The following C13orf46 variants were observed in gnomAD, a reference collection of about 807,000 sequenced individuals.
C13orf46 encodes uncharacterized protein C13orf46.
chr13:113,972,419 C>T (rs969997962), intron 1 of C13orf46, among the ~76,000 whole-genome samples: 3 of 152,204 alleles, frequency 2.0e-5, no homozygotes, highest in Non-Finnish European at 2.9e-5. Flanking sequence ...AAGCAAACCC[C>T]GAGTCCTACC....
intron 1 of C13orf46, among the ~76,000 whole-genome samples, chr13:113,972,606 C>T (rs11620090): frequency 0.3 from 45,419 of 151,988 alleles, 7,606 homozygotes; most frequent in East Asian, 0.45. Flanking sequence ...CCCAGGCCCA[C>T]ACCACCGTCC....
intron 6 of C13orf46, among the ~76,000 whole-genome samples, chr13:113,958,630 G>A (rs956546262): frequency 4.5e-4 from 69 of 152,354 alleles, no homozygotes; most frequent in African/African-American, 5.3e-4. Context: ...GAAACACGGC[G>A]TGGGGCAATG....
the C13orf46 span, among the ~76,000 whole-genome samples, chr13:113,947,606 G>A: frequency 1.7e-4 from 26 of 152,198 alleles, 2 homozygotes; most frequent in Admixed American, 1.7e-3. Flanking sequence ...TGGGTGGAGC[G>A]GGGAGCTGGC....
downstream of C13orf46, among the ~76,000 whole-genome samples, chr13:113,952,495 A>T (rs1363471467): frequency 3.5e-4 from 54 of 152,246 alleles, no homozygotes; most frequent in East Asian, 6.0e-3. Context: ...CATCTCCCCC[A>T]GCCTGGGAGG....
intron 6 of C13orf46, among the ~76,000 whole-genome samples, chr13:113,960,631 T>C (rs1251799061): frequency 6.6e-6 from 1 of 152,228 alleles, no homozygotes; most frequent in Non-Finnish European, 1.5e-5. Flanking sequence ...ATTTATACAC[T>C]TGGCTTTTCT....
intron 1 of C13orf46, among the ~76,000 whole-genome samples, chr13:113,972,278 GGGGA>G (rs1280846187): frequency 6.6e-6 from 1 of 152,202 alleles, no homozygotes; most frequent in Non-Finnish European, 1.5e-5. Context: ...GGAACCCCGT[GGGGA>G]GGGAGGTAGG....
At chr13:113,946,790 G>A in the C13orf46 span, among the ~76,000 whole-genome samples, 6 of 152,256 alleles carry the variant, frequency 3.9e-5, no homozygotes, top group Admixed American at 2.6e-4. Context: ...CTGACTGCTC[G>A]CTGGCCGAGG....
At chr13:113,942,274 C>T in the C13orf46 span, among the ~76,000 whole-genome samples, 1 of 152,218 alleles carries the variant, frequency 6.6e-6, no homozygotes, top group Non-Finnish European at 1.5e-5. Flanking sequence ...CACTGCTCTT[C>T]CCTGCAGGAG....
intron 1 of C13orf46, among the ~76,000 whole-genome samples, chr13:113,970,709 C>G (rs912847216): frequency 1.3e-5 from 2 of 152,196 alleles, no homozygotes; most frequent in Admixed American, 1.3e-4. Context: ...GGAAAATCCA[C>G]CAATCCCCAG....
chr13:113,937,152 G>C, the C13orf46 span, among the ~76,000 whole-genome samples: 1 of 152,172 alleles, frequency 6.6e-6, no homozygotes, highest in African/African-American at 2.4e-5. Context: ...ATGGGAGTTG[G>C]TTACCTCGGG....
the C13orf46 span, chr13:113,928,786 C>T: frequency 6.6e-6 from 1 of 152,620 alleles, no homozygotes; most frequent in Non-Finnish European, 1.5e-5. Flanking sequence ...GTTTCTAATC[C>T]TGTGCTGGGT....
At chr13:113,947,071 C>T in the C13orf46 span, among the ~76,000 whole-genome samples, 3 of 152,234 alleles carry the variant, frequency 2.0e-5, no homozygotes, top group Non-Finnish European at 4.4e-5. Context: ...CGGGGGCTGT[C>T]GTCAGCCTGG....
downstream of C13orf46, among the ~76,000 whole-genome samples, chr13:113,951,925 G>A (rs1156996137): frequency 1.3e-5 from 2 of 152,214 alleles, no homozygotes; most frequent in African/African-American, 4.8e-5. Context: ...CCCCACTCTC[G>A]TAAGACAACC....
At chr13:113,966,055 G>A (rs1231300799) in intron 5 of C13orf46, among the ~76,000 whole-genome samples, 8 of 148,290 alleles carry the variant, frequency 5.4e-5, no homozygotes, top group Admixed American at 4.7e-4. Context: ...GATGATGCTG[G>A]TGATGGGAAT....
the C13orf46 span, among the ~76,000 whole-genome samples, chr13:113,944,415 G>T: frequency 6.6e-6 from 1 of 152,248 alleles, no homozygotes; most frequent in Admixed American, 6.5e-5. Flanking sequence ...TCCTTGCTGG[G>T]TTACCTGCTC....
the C13orf46 span, among the ~76,000 whole-genome samples, chr13:113,945,595 A>AGAGAGAG: frequency 8.8e-5 from 10 of 113,288 alleles, no homozygotes; most frequent in African/African-American, 2.8e-4. Context: ...GAGAGAGAGA[A>AGAGAGAG]AGAAAGAAAG....
chr13:113,945,546 AAAG>A, the C13orf46 span, among the ~76,000 whole-genome samples: 1 of 86,054 alleles, frequency 1.2e-5, no homozygotes, highest in Non-Finnish European at 2.8e-5. Context: ...TCTGAGAAAG[AAAG>A]AAAGAAAGAA....
chr13:113,939,498 G>A, the C13orf46 span, among the ~76,000 whole-genome samples: 3 of 152,226 alleles, frequency 2.0e-5, no homozygotes, highest in African/African-American at 7.2e-5. Flanking sequence ...CCACGTTGAT[G>A]GGGAGGACAG....
intron 6 of C13orf46, among the ~76,000 whole-genome samples, chr13:113,960,927 T>C (rs1296358320): frequency 6.6e-6 from 1 of 152,240 alleles, no homozygotes; most frequent in Non-Finnish European, 1.5e-5. Context: ...TTTATCAAGA[T>C]AATTTCTCCT....
Sources: gnomAD v4.1 joint callset for allele counts (sites outside exome capture counted in the v4.1 genomes callset) on GRCh38, gnomAD v4.1.1 for gene constraint, MANE v1.5 for transcripts, NCBI Gene and HGNC (gene_info 2026-07-23, HGNC 2026-07-21) for gene names.